C21orf91: variants seen among roughly 807,000 people sequenced by gnomAD.
C21orf91 encodes the protein protein EURL homolog.
In C21orf91, 26 loss-of-function variants were observed where a neutral mutation model predicts 32.9. The observed-to-expected ratio is 0.79, with a 90% CI of 0.58 to 1.10. The LOEUF is 1.10. Among genes scored for constraint, C21orf91 ranks in the 50% least tolerant of loss-of-function variants. The pLI is 0.00. For missense variants in C21orf91, 310 were observed against 341.3 expected, an observed-to-expected ratio of 0.91 and a Z score of 0.72; for synonymous variants, 126 against 120.4, an observed-to-expected ratio of 1.05 and a Z score of -0.31.
intron 2 of C21orf91, among the ~76,000 whole-genome samples, chr21:17,807,618 G>C (rs773279958): frequency 3.3e-5 from 5 of 152,208 alleles, no homozygotes; most frequent in Non-Finnish European, 7.3e-5. Context: ...TTAAATTGTT[G>C]TGCCTAAAAT....
intron 1 of C21orf91, chr21:17,818,860 G>C (rs1299597811): frequency 6.6e-6 from 1 of 152,332 alleles, no homozygotes; most frequent in Admixed American, 6.5e-5. Flanking sequence ...CCGAATACCC[G>C]GGGAGGGCGT....
chr21:17,809,561 T>C (rs2146259586), intron 2 of C21orf91, among the ~76,000 whole-genome samples: 1 of 152,334 alleles, frequency 6.6e-6, no homozygotes, highest in Non-Finnish European at 1.5e-5. Context: ...ATTAAAAATG[T>C]CATTAAGTAT....
intron 2 of C21orf91, among the ~76,000 whole-genome samples, chr21:17,805,724 A>G (rs971638446): frequency 1.3e-5 from 2 of 152,176 alleles, no homozygotes; most frequent in African/African-American, 4.8e-5. Flanking sequence ...GGTTTAATTA[A>G]CATTATGTTA....
chr21:17,792,614 AAAG>A lies in C21orf91; in HGVS notation c.*798_*800del, dbSNP rs1291903839. On this transcript the variant is annotated 3_prime_UTR_variant, in exon 5 of 5. Coordinates refer to ENST00000284881, the MANE Select transcript of C21orf91 (RefSeq NM_001100420.2). ...AGTCACTGGTGTGAAGCTAATAATG[AAAG>A]AAGCAAGAGGAGGCTTTCATTTCTA... The A allele has an allele frequency of 6.6e-6, 1 of 152,208 alleles. No individual in the cohort carries two copies. Among genetic ancestry groups the A allele is most frequent in the Non-Finnish European group, 1.5e-5 (1 of 68,020 alleles). 9.4% of individuals were successfully genotyped at this position (152,208 alleles called of 1,614,324 possible). A position where few individuals can be genotyped will look rare whatever the true frequency, so the allele number is the denominator to read the frequency against.
At chr21:17,807,917 T>C (rs776159054) in intron 2 of C21orf91, among the ~76,000 whole-genome samples, 1 of 152,172 alleles carries the variant, frequency 6.6e-6, no homozygotes, top group Non-Finnish European at 1.5e-5. Flanking sequence ...CTGGAACTTA[T>C]ATTTAAAAGG....
At chr21:17,804,410 C>G (rs899074533) in intron 2 of C21orf91, among the ~76,000 whole-genome samples, 2 of 152,164 alleles carry the variant, frequency 1.3e-5, no homozygotes, top group Non-Finnish European at 2.9e-5. Flanking sequence ...ATAAAGAGTA[C>G]CTCATTTCCT....
At chr21:17,798,030 G>A (rs943454358) in intron 2 of C21orf91, among the ~76,000 whole-genome samples, 5 of 151,916 alleles carry the variant, frequency 3.3e-5, no homozygotes, top group Admixed American at 6.6e-5. Flanking sequence ...GTTAAACAGC[G>A]CTACTTTTAT....
At chr21:17,796,474 T>C (rs2062518675) in intron 3 of C21orf91, 108 bp downstream of exon 3, 1 of 838,238 alleles carries the variant, frequency 1.2e-6, no homozygotes, top group Non-Finnish European at 1.9e-6. Flanking sequence ...ATACAATGTT[T>C]CCCAAATCTA....
intron 2 of C21orf91, among the ~76,000 whole-genome samples, chr21:17,813,612 TAC>T (rs1454450695): frequency 6.6e-6 from 1 of 152,214 alleles, no homozygotes; most frequent in Non-Finnish European, 1.5e-5. Context: ...CTTTGTTTGG[TAC>T]AGACTGAATG....
chr21:17,801,664 G>A (rs976729386), intron 2 of C21orf91, among the ~76,000 whole-genome samples: 3 of 151,106 alleles, frequency 2.0e-5, no homozygotes, highest in Admixed American at 2.0e-4. Context: ...GGAAGTAGGG[G>A]GCTAGAAACA....
intron 3 of C21orf91, among the ~76,000 whole-genome samples, chr21:17,795,981 A>G (rs1421270755): frequency 6.6e-6 from 1 of 152,252 alleles, no homozygotes; most frequent in Non-Finnish European, 1.5e-5. Flanking sequence ...TTGTCTGTCT[A>G]GATGTAGAAT....
chr21:17,802,846 A>G (rs1348819602), intron 2 of C21orf91, among the ~76,000 whole-genome samples: 1 of 152,224 alleles, frequency 6.6e-6, no homozygotes, highest in African/African-American at 2.4e-5. Flanking sequence ...TTTGTGGTCA[A>G]TTAGACTATA....
intron 2 of C21orf91, among the ~76,000 whole-genome samples, chr21:17,800,653 T>C (rs2062552952): frequency 6.6e-6 from 1 of 152,346 alleles, no homozygotes; most frequent in African/African-American, 2.4e-5. Context: ...AATCAGGTGA[T>C]ACTTTTGAGG....
At chr21:17,805,516 G>C (rs1281722292) in intron 2 of C21orf91, among the ~76,000 whole-genome samples, 6 of 152,096 alleles carry the variant, frequency 3.9e-5, no homozygotes, top group Non-Finnish European at 8.8e-5. Flanking sequence ...GTTTCACCAT[G>C]TTGGCCAGGC....
At chr21:17,802,466 G>C (rs954024940) in intron 2 of C21orf91, among the ~76,000 whole-genome samples, 1 of 152,198 alleles carries the variant, frequency 6.6e-6, no homozygotes, top group African/African-American at 2.4e-5. Context: ...GATCACAGTG[G>C]CGTGAGCCAC....
chr21:17,796,960 A>C lies in C21orf91; in HGVS notation c.286T>G (p.Trp96Gly). ...VKTILSKKINWIVQYAQNKDL... is the reference protein window; with the variant it reads ...VKTILSKKINGIVQYAQNKDL... ...TTATTTTGTGCATACTGCACAATCC[A>C]GTTTATCTTCTTACTCAAAATGGTT... Residue 96 changes from tryptophan to glycine, a missense_variant, in exon 3 of 5, where the codon TGG (tryptophan) becomes GGG (glycine). Physicochemically the swap from Trp to Gly is radical, Grantham distance 184. Transcript: ENST00000284881. 6.2e-7 allele frequency: 1 copy of C among 1,613,744 alleles called. No homozygotes were observed. The highest frequency in any genetic ancestry group is 1.7e-4 in the Middle Eastern group (1 of 6,056).
chr21:17,793,360 T>C lies in C21orf91; in HGVS notation c.*55A>G, dbSNP rs1237881806. On this transcript the variant is annotated 3_prime_UTR_variant, in exon 5 of 5. Transcript: ENST00000284881. Reference sequence around the variant, plus strand: ...AACTTTCTTCAAACTTCTTCAAAGTTTGCATGTCTGGGAGACCAATAAAGG... The same window carrying C: ...AACTTTCTTCAAACTTCTTCAAAGTCTGCATGTCTGGGAGACCAATAAAGG... 2 of 1,348,370 alleles carry C rather than the reference T, an allele frequency of 1.5e-6. No individual in the cohort carries two copies. Among genetic ancestry groups the C allele is most frequent in the South Asian group, 1.8e-5 (1 of 56,704 alleles). The allele number at this position is 1,348,370 out of a possible 1,614,324, so 83.5% of individuals were successfully genotyped here.
chr21:17,800,277 TG>T (rs2062550026), intron 2 of C21orf91, among the ~76,000 whole-genome samples: 2 of 152,222 alleles, frequency 1.3e-5, no homozygotes, highest in Non-Finnish European at 1.5e-5. Context: ...TAGAAACATT[TG>T]TTTTATAAAC....
chr21:17,793,766 T>C (rs765531053), intron 4 of C21orf91, among the ~76,000 whole-genome samples, 185 bp from the exon 5 acceptor site: 7 of 152,226 alleles, frequency 4.6e-5, no homozygotes, highest in African/African-American at 9.6e-5. Context: ...GGCATCTGTA[T>C]ACTTTACATA....
Sources: gnomAD v4.1 joint callset for allele counts (sites outside exome capture counted in the v4.1 genomes callset) on GRCh38, gnomAD v4.1.1 for gene constraint, MANE v1.5 for transcripts, NCBI Gene and HGNC (gene_info 2026-07-23, HGNC 2026-07-21) for gene names.